The following ABTB3 variants were observed in gnomAD, a reference collection of about 807,000 sequenced individuals.
ABTB3 encodes the protein ankyrin repeat and BTB domain containing 3, also known as ankyrin repeat- and BTB/POZ domain-containing protein 3.
the ABTB3 span, among the ~76,000 whole-genome samples, chr12:107,411,302 C>T: frequency 6.6e-6 from 1 of 152,072 alleles, no homozygotes; most frequent in East Asian, 1.9e-4. Context: ...CCGTCTCCCC[C>T]CTCCAAAAAA....
chr12:107,414,825 C>T, the ABTB3 span, among the ~76,000 whole-genome samples: 1 of 151,192 alleles, frequency 6.6e-6, no homozygotes, highest in Admixed American at 6.6e-5. Context: ...TCAAGCAGTT[C>T]TCATGCCTCA....
At chr12:107,456,020 C>T in the ABTB3 span, among the ~76,000 whole-genome samples, 5 of 152,258 alleles carry the variant, frequency 3.3e-5, no homozygotes, top group East Asian at 5.8e-4. Flanking sequence ...GGTGCAAGGG[C>T]GCTTGCAAAG....
chr12:107,563,466 A>G, the ABTB3 span, among the ~76,000 whole-genome samples: 2 of 152,336 alleles, frequency 1.3e-5, no homozygotes. Context: ...AAACTCATAA[A>G]ATGTCATCTT....
chr12:107,438,407 C>A, the ABTB3 span, among the ~76,000 whole-genome samples: 1 of 152,144 alleles, frequency 6.6e-6, no homozygotes, highest in African/African-American at 2.4e-5. Context: ...CAGAAGCTTG[C>A]GGGATGGATT....
the ABTB3 span, chr12:107,657,619 T>G: frequency 6.2e-7 from 1 of 1,614,178 alleles, no homozygotes; most frequent in Non-Finnish European, 8.5e-7. Context: ...ACAAAAATGG[T>G]GAAGGGACCG....
At chr12:107,461,724 G>A in the ABTB3 span, among the ~76,000 whole-genome samples, 4 of 152,272 alleles carry the variant, frequency 2.6e-5, no homozygotes, top group Admixed American at 2.6e-4. Context: ...GGGAGGTAGA[G>A]GATATGAATA....
the ABTB3 span, among the ~76,000 whole-genome samples, chr12:107,374,267 C>T: frequency 6.6e-6 from 1 of 152,176 alleles, no homozygotes; most frequent in Non-Finnish European, 1.5e-5. Context: ...CTACATCTTA[C>T]AGCCCCTGCC....
the ABTB3 span, among the ~76,000 whole-genome samples, chr12:107,487,786 C>T: frequency 2.0e-5 from 3 of 152,044 alleles, no homozygotes; most frequent in African/African-American, 7.3e-5. Flanking sequence ...TCAACTGATG[C>T]GTTAGAAAGG....
At chr12:107,496,806 A>G in the ABTB3 span, among the ~76,000 whole-genome samples, 2 of 152,182 alleles carry the variant, frequency 1.3e-5, no homozygotes, top group Admixed American at 1.3e-4. Context: ...ATTTAGCCAG[A>G]GAGTCAATAA....
chr12:107,486,456 A>G, the ABTB3 span: 1 of 152,144 alleles, frequency 6.6e-6, no homozygotes, highest in Non-Finnish European at 1.5e-5. Flanking sequence ...CCTTTATAGA[A>G]AAAGTTGGCT....
the ABTB3 span, among the ~76,000 whole-genome samples, chr12:107,548,275 C>T: frequency 2.6e-5 from 4 of 152,286 alleles, no homozygotes; most frequent in South Asian, 8.3e-4. Context: ...GGCCATGATG[C>T]TTATATGGTT....
the ABTB3 span, among the ~76,000 whole-genome samples, chr12:107,619,396 C>G: frequency 6.6e-6 from 1 of 152,150 alleles, no homozygotes; most frequent in African/African-American, 2.4e-5. Context: ...TTGTTTTGCA[C>G]AGAGGAGCAG....
the ABTB3 span, among the ~76,000 whole-genome samples, chr12:107,522,234 G>A: frequency 3.7e-4 from 56 of 152,222 alleles, no homozygotes; most frequent in Middle Eastern, 0.014. Context: ...TCACATTGAG[G>A]GGGCAGGGCT....
At chr12:107,607,692 TC>T in the ABTB3 span, among the ~76,000 whole-genome samples, 1 of 152,200 alleles carries the variant, frequency 6.6e-6, no homozygotes, top group Admixed American at 6.5e-5. Flanking sequence ...TCCCAGCAGC[TC>T]CCCCTGGTGG....
chr12:107,360,714 C>A, the ABTB3 span, among the ~76,000 whole-genome samples: 2 of 152,166 alleles, frequency 1.3e-5, no homozygotes, highest in Non-Finnish European at 2.9e-5. Context: ...GAAGGTTGTG[C>A]TCACCAAAGG....
At chr12:107,534,894 C>A in the ABTB3 span, among the ~76,000 whole-genome samples, 2 of 152,160 alleles carry the variant, frequency 1.3e-5, no homozygotes, top group African/African-American at 4.8e-5. Context: ...TTTTCTCGAA[C>A]TATTCCAAAA....
At chr12:107,500,027 C>A in the ABTB3 span, among the ~76,000 whole-genome samples, 4 of 152,100 alleles carry the variant, frequency 2.6e-5, no homozygotes, top group African/African-American at 9.7e-5. Context: ...AGAGCTATCC[C>A]ACTCTCATGA....
the ABTB3 span, among the ~76,000 whole-genome samples, chr12:107,366,577 T>A: frequency 2.0e-5 from 3 of 152,134 alleles, no homozygotes; most frequent in African/African-American, 7.2e-5. Flanking sequence ...GGAGCTGCCA[T>A]CTCTCTTCAA....
At chr12:107,423,613 C>T in the ABTB3 span, among the ~76,000 whole-genome samples, 4 of 152,068 alleles carry the variant, frequency 2.6e-5, no homozygotes, top group South Asian at 2.1e-4. Flanking sequence ...AAGCAGGGGA[C>T]GTTGCACAGA....
Sources: gnomAD v4.1 joint callset for allele counts (sites outside exome capture counted in the v4.1 genomes callset) on GRCh38, gnomAD v4.1.1 for gene constraint, MANE v1.5 for transcripts, NCBI Gene and HGNC (gene_info 2026-07-23, HGNC 2026-07-21) for gene names.